Variants in GNAS-AS1 observed in about 807,000 individuals in gnomAD.
GNAS-AS1 encodes GNAS antisense RNA 1 (non-protein coding).
intron 2 of GNAS-AS1, chr20:58,844,041 G>A (rs887861778): frequency 7.9e-5 from 12 of 152,252 alleles, no homozygotes; most frequent in African/African-American, 2.2e-4. Context: ...TGTGTGGAAG[G>A]TTAAGGAGGA....
Position 58,841,651 on chromosome 20 carries a change from G to A in GNAS-AS1, n.819+286C>T. On this transcript the variant is annotated intron_variant and non_coding_transcript_variant, in intron 4 of 4. Transcript: ENST00000424094. This position sits in a 1 kb window ranked among gnomAD's most constrained non-coding sequence, Gnocchi z 5.0. ...GAGCTGACCTCTCCCGGCGGCGGGC[G>A]GTTAGGGGAAAGTACCTGGGGGAAA... The A allele has an allele frequency of 8.9e-7, 1 of 1,123,584 alleles. No individual in the cohort carries two copies. The highest frequency in any genetic ancestry group is 1.1e-6 in the Non-Finnish European group (1 of 918,888). The allele number at this position is 1,123,584 out of a possible 1,614,324, so 69.6% of individuals were successfully genotyped here.
At chr20:58,850,182 T>C (rs1470492986) in intron 1 of GNAS-AS1, among the ~76,000 whole-genome samples, 1 of 152,142 alleles carries the variant, frequency 6.6e-6, no homozygotes, top group Non-Finnish European at 1.5e-5. Flanking sequence ...TGGAGGCCCA[T>C]ATAAAAAGTC....
intron 4 of GNAS-AS1, among the ~76,000 whole-genome samples, chr20:58,820,372 A>C (rs2085477815): frequency 6.6e-6 from 1 of 152,200 alleles, no homozygotes; most frequent in Non-Finnish European, 1.5e-5. Flanking sequence ...GCACCACAGT[A>C]ACCGGAGCCA....
At chr20:58,849,008 T>G (rs2086048351) in intron 1 of GNAS-AS1, 2 of 397,936 alleles carry the variant, frequency 5.0e-6, no homozygotes, top group Non-Finnish European at 8.9e-6. Flanking sequence ...ATCTTTAAAT[T>G]AAGGCAATTC....
At chr20:58,843,488 C>T in intron 2 of GNAS-AS1, 1 of 152,418 alleles carries the variant, frequency 6.6e-6, no homozygotes, top group Non-Finnish European at 1.5e-5. Flanking sequence ...GGCCCTTTGC[C>T]CCACCCTGCT....
intron 2 of GNAS-AS1, chr20:58,844,049 G>A (rs1290149547): frequency 2.0e-5 from 3 of 152,182 alleles, no homozygotes. Context: ...AGGTTAAGGA[G>A]GAAGAAAGCT....
chr20:58,840,237 CCCTTGCCA>C lies in GNAS-AS1; in HGVS notation n.819+1692_819+1699del. On this transcript the variant is annotated intron_variant and non_coding_transcript_variant, in intron 4 of 4. Transcript: ENST00000424094. This position sits in a 1 kb window ranked among gnomAD's most constrained non-coding sequence, Gnocchi z 6.0. ...TCCTGCTCCATCGCGCTCCTCCGCG[CCCTTGCCA>C]CCTCCAACGCCCGTGCCCAGCAGCG... The C allele has an allele frequency of 6.2e-7, 1 of 1,611,160 alleles. No individual in the cohort carries two copies. The highest frequency in any genetic ancestry group is 1.7e-5 in the Admixed American group (1 of 60,006).
At chr20:58,834,819 C>G (rs993709501) in intron 4 of GNAS-AS1, among the ~76,000 whole-genome samples, 2 of 152,162 alleles carry the variant, frequency 1.3e-5, no homozygotes, top group Non-Finnish European at 2.9e-5. Flanking sequence ...GATCCTACGC[C>G]CTTTAAAAAC....
chr20:58,835,011 G>A (rs376390573), intron 4 of GNAS-AS1, among the ~76,000 whole-genome samples: 63 of 152,174 alleles, frequency 4.1e-4, no homozygotes, highest in African/African-American at 1.1e-3. Context: ...TGATATCAGC[G>A]CAGTCTGAAT....
chr20:58,824,270 G>A (rs888236510), intron 4 of GNAS-AS1, among the ~76,000 whole-genome samples: 7 of 152,256 alleles, frequency 4.6e-5, no homozygotes, highest in East Asian at 3.8e-4. Context: ...GCGCAGCTGC[G>A]CTGGCCTCCT....
intron 4 of GNAS-AS1, among the ~76,000 whole-genome samples, chr20:58,820,038 C>T (rs998189624): frequency 2.0e-5 from 3 of 152,244 alleles, no homozygotes; most frequent in Non-Finnish European, 2.9e-5. Flanking sequence ...GGGGCTTGGG[C>T]ACTCTGTGCC....
chr20:58,848,620 G>C (rs949660245), intron 2 of GNAS-AS1, among the ~76,000 whole-genome samples: 1 of 152,192 alleles, frequency 6.6e-6, no homozygotes, highest in Non-Finnish European at 1.5e-5. Flanking sequence ...TCTCCCTCCA[G>C]ATCAAGGCCA....
chr20:58,832,832 G>A (rs1342291155), intron 4 of GNAS-AS1, among the ~76,000 whole-genome samples: 2 of 152,240 alleles, frequency 1.3e-5, no homozygotes, highest in Non-Finnish European at 2.9e-5. Context: ...CATAAAACAA[G>A]CCTCTCCTTA....
chr20:58,828,651 CTT>C (rs1302666868), intron 4 of GNAS-AS1, among the ~76,000 whole-genome samples: 1 of 152,244 alleles, frequency 6.6e-6, no homozygotes, highest in East Asian at 1.9e-4. Context: ...GTGTTCCTCT[CTT>C]GTCTCCCACT....
intron 4 of GNAS-AS1, among the ~76,000 whole-genome samples, chr20:58,831,818 G>T (rs944833577): frequency 2.6e-5 from 4 of 151,998 alleles, no homozygotes; most frequent in African/African-American, 9.7e-5. Context: ...CTTCTAGAAA[G>T]AAATGATATC....
In GNAS-AS1 at chr20:58,840,620, G is replaced by A. The variant is rs376154152; in HGVS notation, n.819+1317C>T. The A allele has an allele frequency of 6.2e-6, 10 of 1,607,782 alleles. No individual in the cohort carries two copies. The highest frequency in any genetic ancestry group is 5.3e-5 in the African/African-American group (4 of 74,808). ...GCACGCTCTCAAGTTGCGAAGCCCC[G>A]ACGCCTCCCCAAGTCGCGCGCCGCC... On this transcript the variant is annotated intron_variant and non_coding_transcript_variant, in intron 4 of 4. Transcript: ENST00000424094. This position sits in a 1 kb window ranked among gnomAD's most constrained non-coding sequence, Gnocchi z 6.0.
rs745570313 is a variant in GNAS-AS1 at position 58,840,869 on chromosome 20, T to C, written n.819+1068A>G. On this transcript the variant is annotated intron_variant and non_coding_transcript_variant, in intron 4 of 4. Transcript: ENST00000424094. The surrounding 1 kb of genome is among the most constrained non-coding windows in gnomAD (Gnocchi z 6.0). ...ATGGAGGACGCCGTCCAGATTCTCC[T>C]TGTTTTCATGGATTCAGGTTAGTTG... is the stretch of plus-strand genomic sequence containing the variant. 1.2e-6 allele frequency: 2 copies of C among 1,612,762 alleles called. No homozygotes were observed. The highest frequency in any genetic ancestry group is 1.1e-5 in the South Asian group (1 of 91,070).
At chr20:58,839,788 G>C in intron 4 of GNAS-AS1, 1 of 569,730 alleles carries the variant, frequency 1.8e-6, no homozygotes. Flanking sequence ...ACCGGCGGAG[G>C]CACCTCTCTC....
At chr20:58,824,986 A>G (rs1179179078) in intron 4 of GNAS-AS1, among the ~76,000 whole-genome samples, 1 of 152,182 alleles carries the variant, frequency 6.6e-6, no homozygotes, top group Non-Finnish European at 1.5e-5. Context: ...GGAAGTGAGA[A>G]GTGCCCGGGC....
Sources: allele counts gnomAD v4.1 joint callset (sites outside exome capture counted in the v4.1 genomes callset), GRCh38; gene constraint gnomAD v4.1.1; non-coding constraint Gnocchi (gnomAD v3.1); transcripts MANE v1.5; gene names NCBI Gene and HGNC (gene_info 2026-07-23, HGNC 2026-07-21).